Variants in LYN observed in about 807,000 individuals in gnomAD.
LYN encodes LYN proto-oncogene, Src family tyrosine kinase.
In LYN, 12 loss-of-function variants were observed where a neutral mutation model predicts 65.0. The observed-to-expected ratio is 0.18, with a 90% confidence interval of 0.12 to 0.30. The LOEUF is 0.30. Ranked by LOEUF, LYN falls within the 10% of genes least tolerant of loss-of-function variation. The pLI, the probability that LYN is intolerant of heterozygous loss-of-function variation, is 1.00. For missense variants in LYN, 380 were observed against 623.2 expected, an observed-to-expected ratio of 0.61 and a Z score of 4.16; for synonymous variants, 222 against 221.2, an observed-to-expected ratio of 1.00 and a Z score of -0.03.
At chr8:55,936,940 G>C (rs1194372180) in intron 1 of LYN, among the ~76,000 whole-genome samples, 2 of 152,038 alleles carry the variant, frequency 1.3e-5, no homozygotes, top group Admixed American at 1.3e-4. Context: ...AAGTACCAGG[G>C]ACAAAGTAGG....
At chr8:55,938,507 A>G (rs1384745406) in intron 1 of LYN, among the ~76,000 whole-genome samples, 1 of 152,206 alleles carries the variant, frequency 6.6e-6, no homozygotes, top group Non-Finnish European at 1.5e-5. Context: ...GCTGTGACTC[A>G]TGACGTCCCT....
intron 12 of LYN, among the ~76,000 whole-genome samples, chr8:56,003,507 A>G (rs1421311517): frequency 2.6e-5 from 4 of 152,100 alleles, no homozygotes; most frequent in African/African-American, 9.7e-5. Flanking sequence ...TCTACAAAAA[A>G]TACAAAAAAA....
chr8:55,948,662 G>A (rs902671570), intron 4 of LYN, among the ~76,000 whole-genome samples: 2 of 152,238 alleles, frequency 1.3e-5, no homozygotes, highest in African/African-American at 4.8e-5. Flanking sequence ...TAGGGTTTGA[G>A]GGGGAGACTC....
intron 1 of LYN, among the ~76,000 whole-genome samples, chr8:55,916,756 A>C (rs1034770443): frequency 1.3e-5 from 2 of 152,268 alleles, no homozygotes; most frequent in African/African-American, 4.8e-5. Context: ...CCAATACTGC[A>C]ATGGCACCTT....
intron 1 of LYN, among the ~76,000 whole-genome samples, chr8:55,911,344 A>G (rs1805633341): frequency 7.9e-6 from 1 of 126,040 alleles, no homozygotes. Context: ...CTGCTCTTGA[A>G]CTCCTGGCCT....
chr8:55,902,602 A>G (rs1805301626), intron 1 of LYN: 1 of 291,942 alleles, frequency 3.4e-6, no homozygotes, highest in South Asian at 2.6e-5. Flanking sequence ...TATATAGCAT[A>G]CAAAAAAAAA....
At chr8:55,997,823 G>GC (rs1808415359) in intron 10 of LYN, among the ~76,000 whole-genome samples, 1 of 152,200 alleles carries the variant, frequency 6.6e-6, no homozygotes, top group South Asian at 2.1e-4. Context: ...GGTGGCTCAC[G>GC]CCTGTAATCC....
At chr8:55,902,752 C>T (rs1227765181) in intron 1 of LYN, 13 of 510,668 alleles carry the variant, frequency 2.5e-5, no homozygotes, top group Non-Finnish European at 4.7e-5. Context: ...GTCACCACTG[C>T]AATATGCATA....
intron 1 of LYN, among the ~76,000 whole-genome samples, chr8:55,897,533 C>G (rs1168791880): frequency 1.3e-5 from 2 of 152,134 alleles, no homozygotes; most frequent in Admixed American, 1.3e-4. Context: ...TCCATTTTAA[C>G]AGAAAACCTA....
intron 12 of LYN, among the ~76,000 whole-genome samples, chr8:56,004,430 A>T (rs2130595086): frequency 6.6e-6 from 1 of 151,124 alleles, no homozygotes; most frequent in South Asian, 2.1e-4. Context: ...AGTTGCTGGG[A>T]CTACAGGTGT....
intron 9 of LYN, among the ~76,000 whole-genome samples, chr8:55,967,235 A>G (rs1433608490): frequency 6.6e-6 from 1 of 151,768 alleles, no homozygotes; most frequent in Non-Finnish European, 1.5e-5. Context: ...ATATGCTTAA[A>G]ATGTGAAGAG....
intron 1 of LYN, among the ~76,000 whole-genome samples, chr8:55,911,484 G>A (rs7005344): frequency 0.049 from 7,411 of 150,724 alleles, 607 homozygotes; most frequent in African/African-American, 0.17. Flanking sequence ...AAGGAATTGC[G>A]TGAACCATCT....
rs781496000 is a variant in LYN, at chr8:56,010,974, G to A, written c.*864G>A. 4.3e-6 allele frequency: 1 copy of A among 232,234 alleles called. No homozygotes were observed. The highest frequency in any genetic ancestry group is 8.5e-6 in the Non-Finnish European group (1 of 117,536). The allele number at this position is 232,234 out of a possible 1,614,324, so 14.4% of individuals were successfully genotyped here. The stretch of plus-strand genomic sequence containing the variant: ...TGACAATGTAGTTTGGAAGAACTAA[G>A]ATTCTAATCTCTGAAGAACCTTATA... On this transcript the variant is annotated 3_prime_UTR_variant, in exon 13 of 13. Coordinates refer to ENST00000519728, the MANE Select transcript of LYN (RefSeq NM_002350.4).
chr8:55,943,134 CA>C (rs1806675316), intron 2 of LYN, among the ~76,000 whole-genome samples: 1 of 152,154 alleles, frequency 6.6e-6, no homozygotes, highest in African/African-American at 2.4e-5. Flanking sequence ...AAAGGAAGAA[CA>C]GAGCTTTGAA....
At position 55,897,913 on chromosome 8, in the gene LYN, A is replaced by AAACAAC. The variant is rs566010402; in HGVS notation, c.-6+17825_-6+17830dup. Among the ~76,000 whole-genome samples, 170 of 152,178 alleles carry AAACAAC rather than the reference A, an allele frequency of 1.1e-3. 1 individual carries two copies. The highest frequency in any genetic ancestry group is 3.9e-3 in the African/African-American group (163 of 41,530). ...GCGTGACAGTGAGGCCCTGTCTCAC[A>AAACAAC]AACAACAACAACAACAACAAAAACT... On this transcript the variant is annotated intron_variant, in intron 1 of 12. Coordinates refer to ENST00000519728, the MANE Select transcript of LYN (RefSeq NM_002350.4).
chr8:55,930,024 G>T (rs1457230567), intron 1 of LYN, among the ~76,000 whole-genome samples: 1 of 152,144 alleles, frequency 6.6e-6, no homozygotes, highest in East Asian at 1.9e-4. Context: ...TCTCATAGGG[G>T]CGTGAACCCC....
chr8:55,902,553 A>G (rs539907555), intron 1 of LYN, among the ~76,000 whole-genome samples: 22 of 151,856 alleles, frequency 1.4e-4, no homozygotes, highest in African/African-American at 5.1e-4. Context: ...CACCTGATCC[A>G]AAACACAGTC....
intron 10 of LYN, among the ~76,000 whole-genome samples, chr8:55,995,272 C>A (rs531166776): frequency 6.6e-6 from 1 of 152,338 alleles, no homozygotes; most frequent in South Asian, 2.1e-4. Context: ...TGCCCACCTT[C>A]TGTTGACTTC....
intron 8 of LYN, among the ~76,000 whole-genome samples, chr8:55,965,375 AGTG>A (rs1807421582): frequency 1.3e-5 from 2 of 152,070 alleles, no homozygotes; most frequent in Non-Finnish European, 1.5e-5. Context: ...GTGGGGGAGG[AGTG>A]GAGGGAGTGG....
Sources: allele counts gnomAD v4.1 joint callset (sites outside exome capture counted in the v4.1 genomes callset), GRCh38; gene constraint gnomAD v4.1.1; transcripts MANE v1.5; gene names NCBI Gene and HGNC (gene_info 2026-07-23, HGNC 2026-07-21).